Variants in CAT observed in about 807,000 individuals in gnomAD.
CAT encodes catalase.
CAT carries 43 observed loss-of-function variants against 59.0 expected under a neutral mutation model. The ratio of observed to expected loss-of-function variants is 0.73; its 90% CI spans 0.57 to 0.94. CAT has a LOEUF of 0.94. Among genes scored for constraint, CAT ranks in the 40% least tolerant of loss-of-function variants. CAT has a pLI of 0.00. For missense variants in CAT, 664 were observed against 682.9 expected, an observed-to-expected ratio of 0.97 and a Z score of 0.31; for synonymous variants, 218 against 230.9, an observed-to-expected ratio of 0.94 and a Z score of 0.51.
chr11:34,440,768 G>C (rs909577266), intron 1 of CAT, among the ~76,000 whole-genome samples: 1 of 151,850 alleles, frequency 6.6e-6, no homozygotes, highest in Non-Finnish European at 1.5e-5. Flanking sequence ...TCACCATGTT[G>C]GCCAGGCTGG....
intron 10 of CAT, 78 bp downstream of exon 10, chr11:34,464,313 C>A: frequency 7.4e-7 from 1 of 1,345,454 alleles, no homozygotes; most frequent in Non-Finnish European, 1.1e-6. Flanking sequence ...CCCCTCCCTG[C>A]AAATGCCCCA....
chr11:34,461,544 C>T (rs1016954598), intron 9 of CAT, among the ~76,000 whole-genome samples, 155 bp downstream of exon 9: 1 of 152,166 alleles, frequency 6.6e-6, no homozygotes. Flanking sequence ...GCTTTTTTGC[C>T]CAGCAGTGAA....
At chr11:34,440,243 G>A (rs1291656121) in intron 1 of CAT, among the ~76,000 whole-genome samples, 1 of 152,228 alleles carries the variant, frequency 6.6e-6, no homozygotes, top group Non-Finnish European at 1.5e-5. Flanking sequence ...CCCTGTTTGG[G>A]AAAAGGCTGC....
chr11:34,453,005 C>A (rs1427238707), intron 4 of CAT, 85 bp from the exon 5 acceptor site: 7 of 804,496 alleles, frequency 8.7e-6, no homozygotes, highest in Non-Finnish European at 1.5e-5. Flanking sequence ...AATCCATAAA[C>A]CTAGTAATAG....
intron 1 of CAT, among the ~76,000 whole-genome samples, chr11:34,440,546 T>C (rs1294770793): frequency 6.6e-6 from 1 of 151,936 alleles, no homozygotes; most frequent in African/African-American, 2.4e-5. Context: ...AAATATTTTC[T>C]TTTTCTTTTT....
At chr11:34,461,153 A>G in intron 8 of CAT, 98 bp from the exon 9 acceptor site, 1 of 1,302,800 alleles carries the variant, frequency 7.7e-7, no homozygotes, top group Non-Finnish European at 1.1e-6. Flanking sequence ...CCATGTACAG[A>G]GTGCTTTGTA....
At chr11:34,439,207 G>C (rs1307568881) in intron 1 of CAT, 128 bp downstream of exon 1, 11 of 895,334 alleles carry the variant, frequency 1.2e-5, no homozygotes, top group Non-Finnish European at 1.3e-5. Context: ...GGGCAGGGGG[G>C]ATCCCCTTCG....
chr11:34,444,155 G>T (rs1479553119), intron 1 of CAT, among the ~76,000 whole-genome samples: 1 of 152,098 alleles, frequency 6.6e-6, no homozygotes, highest in Non-Finnish European at 1.5e-5. Context: ...TGTGTCTTGC[G>T]TGTTGGCGAG....
At position 34,461,244 on chromosome 11, in the gene CAT, A is replaced by T; in HGVS notation, c.1057-7A>T. Reference sequence around the variant, plus strand: ...CTAGTCAGTGTCTATTGTATTTATTACTGCAGGGCCGCCTTTTTGCCTATC... The same window carrying T: ...CTAGTCAGTGTCTATTGTATTTATTTCTGCAGGGCCGCCTTTTTGCCTATC... On this transcript the variant is annotated splice_polypyrimidine_tract_variant and splice_region_variant and intron_variant, in intron 8 of 12. Coordinates refer to ENST00000241052, the MANE Select transcript of CAT (RefSeq NM_001752.4). The T allele has an allele frequency of 6.2e-7, 1 of 1,614,070 alleles. No homozygotes were observed. The highest frequency in any genetic ancestry group is 1.3e-5 in the African/African-American group (1 of 75,066).
intron 1 of CAT, among the ~76,000 whole-genome samples, chr11:34,448,661 T>C (rs1856487167): frequency 6.7e-6 from 1 of 149,184 alleles, no homozygotes; most frequent in African/African-American, 2.5e-5. Context: ...GCCATTGACT[T>C]TTTTTTTTTA....
chr11:34,442,139 A>G (rs909482482), intron 1 of CAT, among the ~76,000 whole-genome samples: 1 of 152,192 alleles, frequency 6.6e-6, no homozygotes, highest in Non-Finnish European at 1.5e-5. Flanking sequence ...CTTATTGACC[A>G]TTGGTATATA....
intron 11 of CAT, 185 bp downstream of exon 11, chr11:34,468,580 C>T (rs1370490152): frequency 1.6e-6 from 1 of 632,336 alleles, no homozygotes; most frequent in Non-Finnish European, 2.8e-6. Flanking sequence ...TTTATCTGGT[C>T]TGGCATATCC....
intron 1 of CAT, among the ~76,000 whole-genome samples, chr11:34,442,300 A>G (rs1341900916): frequency 6.6e-6 from 1 of 152,250 alleles, no homozygotes; most frequent in Non-Finnish European, 1.5e-5. Flanking sequence ...GTATCATGGT[A>G]TAAACATATT....
At chr11:34,457,395 C>T (rs531175311) in intron 8 of CAT, among the ~76,000 whole-genome samples, 89 of 151,778 alleles carry the variant, frequency 5.9e-4, no homozygotes, top group African/African-American at 1.8e-3. Flanking sequence ...TTAGTAGAGA[C>T]GGGGTTTCAC....
intron 2 of CAT, among the ~76,000 whole-genome samples, chr11:34,450,499 T>G (rs1039138074): frequency 2.1e-4 from 32 of 152,224 alleles, no homozygotes; most frequent in African/African-American, 7.5e-4. Flanking sequence ...CTGCATTTCT[T>G]CATCTCTTCT....
At chr11:34,446,074 C>A (rs1179208810) in intron 1 of CAT, among the ~76,000 whole-genome samples, 8 of 152,076 alleles carry the variant, frequency 5.3e-5, no homozygotes, top group Non-Finnish European at 8.8e-5. Context: ...GCATCCTGCT[C>A]CTCACCTTCT....
intron 11 of CAT, 48 bp from the exon 12 acceptor site, chr11:34,470,910 T>C: frequency 2.8e-6 from 4 of 1,434,700 alleles, no homozygotes; most frequent in Non-Finnish European, 3.9e-6. Context: ...GGGAGTGATA[T>C]AGTAGGGAGT....
At chr11:34,447,386 T>C (rs1401685280) in intron 1 of CAT, among the ~76,000 whole-genome samples, 3 of 152,176 alleles carry the variant, frequency 2.0e-5, no homozygotes, top group Non-Finnish European at 4.4e-5. Context: ...CTTTTTCTGG[T>C]TCATTTTCTA....
chr11:34,438,950 T>G lies in CAT; in HGVS notation c.-64T>G. 7.0e-7 allele frequency: 1 copy of G among 1,427,612 alleles called. No homozygotes were observed. The highest frequency in any genetic ancestry group is 9.7e-7 in the Non-Finnish European group (1 of 1,033,840). The allele number at this position is 1,427,612 out of a possible 1,614,324, so 88.4% of individuals were successfully genotyped here. ...ACTCGGGGCAACAGGCAGATTTGCC[T>G]GCTGAGGGTGGAGACCCACGAGCCG... On this transcript the variant is annotated 5_prime_UTR_variant, in exon 1 of 13. Transcript: ENST00000241052.
Sources: gnomAD v4.1 joint callset for allele counts (sites outside exome capture counted in the v4.1 genomes callset) on GRCh38, gnomAD v4.1.1 for gene constraint, MANE v1.5 for transcripts, NCBI Gene and HGNC (gene_info 2026-07-23, HGNC 2026-07-21) for gene names.